ZNF804B: variants seen among roughly 807,000 people sequenced by gnomAD.
ZNF804B encodes zinc finger protein 804B.
A neutral mutation model predicts 101.4 loss-of-function variants in ZNF804B; 80 were observed. The observed-to-expected ratio is 0.79, with a 90% CI of 0.66 to 0.95. The LOEUF (loss-of-function observed/expected upper bound fraction) is 0.95. ZNF804B is among the 40% of genes least tolerant of loss of function. ZNF804B has a pLI of 0.00. For missense variants in ZNF804B, 1,673 were observed against 1,561.9 expected, an observed-to-expected ratio of 1.07 and a Z score of -1.20; for synonymous variants, 622 against 558.8, an observed-to-expected ratio of 1.11 and a Z score of -1.59.
intron 1 of ZNF804B, among the ~76,000 whole-genome samples, chr7:88,808,741 A>C (rs181488252): frequency 1.3e-5 from 2 of 152,234 alleles, no homozygotes; most frequent in Non-Finnish European, 2.9e-5. Flanking sequence ...GACTCAACAT[A>C]TCAGATTTAG....
chr7:89,271,094 C>T, intron 2 of ZNF804B, among the ~76,000 whole-genome samples: 1 of 152,144 alleles, frequency 6.6e-6, no homozygotes, highest in East Asian at 1.9e-4. Flanking sequence ...CTAGAACTTC[C>T]AACACTATGT....
chr7:89,215,838 C>G lies in ZNF804B; in HGVS notation c.109-2317C>G, dbSNP rs182993640. On this transcript the variant is annotated intron_variant, in intron 1 of 3. Transcript: ENST00000333190. ...GGTGGAGCTTACAGTCAGCCGAGAT[C>G]ACGCCACTGCACTCCAGCCTGGGCA... Among the ~76,000 whole-genome samples the G allele has an allele frequency of 7.9e-3, 1,193 of 151,454 alleles. 18 individuals are homozygous for G. Among genetic ancestry groups the G allele is most frequent in the African/African-American group, 0.027 (1,135 of 41,302 alleles).
chr7:88,893,265 A>G (rs976641148), intron 1 of ZNF804B, among the ~76,000 whole-genome samples: 1 of 152,112 alleles, frequency 6.6e-6, no homozygotes, highest in Non-Finnish European at 1.5e-5. Context: ...CCACCTAAGC[A>G]AGTATTTAAA....
chr7:89,061,120 G>T (rs1453453772), intron 1 of ZNF804B, among the ~76,000 whole-genome samples: 1 of 152,052 alleles, frequency 6.6e-6, no homozygotes, highest in East Asian at 1.9e-4. Context: ...CCTTATGACT[G>T]TTGTTAGTAT....
intron 1 of ZNF804B, among the ~76,000 whole-genome samples, chr7:89,174,353 T>C (rs917641259): frequency 6.6e-6 from 1 of 152,056 alleles, no homozygotes; most frequent in Non-Finnish European, 1.5e-5. Context: ...GCAAAATTTG[T>C]TTTTGTGTGC....
At chr7:88,857,822 CTTTTTTT>C (rs55841922) in intron 1 of ZNF804B, among the ~76,000 whole-genome samples, 105 of 81,478 alleles carry the variant, frequency 1.3e-3, no homozygotes, top group East Asian at 0.012. Flanking sequence ...CCTTTCTTTT[CTTTTTTT>C]TTTTTTTTTT....
intron 1 of ZNF804B, among the ~76,000 whole-genome samples, chr7:88,859,827 A>G (rs913404883): frequency 6.6e-6 from 1 of 151,986 alleles, no homozygotes; most frequent in Non-Finnish European, 1.5e-5. Context: ...CTGAGTATTC[A>G]GAAACAACTT....
intron 1 of ZNF804B, among the ~76,000 whole-genome samples, chr7:88,865,228 CA>C (rs10706264): frequency 0.25 from 28,417 of 115,620 alleles, 3,072 homozygotes; most frequent in East Asian, 0.42. Context: ...GACTTCGTAT[CA>C]AAAAAAAAAA....
chr7:89,054,750 A>G (rs1213727212), intron 1 of ZNF804B, among the ~76,000 whole-genome samples: 1 of 152,072 alleles, frequency 6.6e-6, no homozygotes, highest in Non-Finnish European at 1.5e-5. Flanking sequence ...AAGAGGAGGT[A>G]GTCAGGTGGT....
intron 1 of ZNF804B, among the ~76,000 whole-genome samples, chr7:88,787,493 T>C (rs771657660): frequency 6.6e-6 from 1 of 152,120 alleles, no homozygotes; most frequent in Non-Finnish European, 1.5e-5. Context: ...CAGATGAATC[T>C]GAGAATATTA....
intron 1 of ZNF804B, among the ~76,000 whole-genome samples, chr7:89,040,016 T>G (rs1788991970): frequency 6.6e-6 from 1 of 152,026 alleles, no homozygotes; most frequent in Non-Finnish European, 1.5e-5. Flanking sequence ...GGATATTCAT[T>G]TTCCTCTCCA....
intron 1 of ZNF804B, among the ~76,000 whole-genome samples, chr7:89,021,702 G>A (rs535725681): frequency 5.3e-5 from 8 of 152,226 alleles, no homozygotes; most frequent in Admixed American, 1.3e-4. Context: ...CTAAACCTAG[G>A]TTTTGAGTAG....
chr7:88,774,488 G>A (rs748041366), intron 1 of ZNF804B, among the ~76,000 whole-genome samples: 4 of 152,100 alleles, frequency 2.6e-5, no homozygotes, highest in Non-Finnish European at 5.9e-5. Flanking sequence ...GTTGGCCCCT[G>A]TCCATAGTGA....
chr7:88,835,113 A>G (rs566378400), intron 1 of ZNF804B, among the ~76,000 whole-genome samples: 1 of 151,976 alleles, frequency 6.6e-6, no homozygotes, highest in Admixed American at 6.6e-5. Context: ...GAGTTTACAC[A>G]TTGGTAATAT....
intron 1 of ZNF804B, among the ~76,000 whole-genome samples, chr7:89,075,263 G>C (rs1020003356): frequency 2.0e-5 from 3 of 152,082 alleles, no homozygotes; most frequent in Non-Finnish European, 4.4e-5. Flanking sequence ...ACGTCTCTAC[G>C]GCAGCCCCTC....
intron 1 of ZNF804B, among the ~76,000 whole-genome samples, chr7:88,847,813 G>A (rs1280589867): frequency 2.0e-5 from 3 of 152,128 alleles, no homozygotes; most frequent in African/African-American, 7.2e-5. Flanking sequence ...TATTGCAGTT[G>A]TTCTTGTTGT....
At chr7:88,967,904 T>C (rs1793480766) in intron 1 of ZNF804B, among the ~76,000 whole-genome samples, 1 of 151,510 alleles carries the variant, frequency 6.6e-6, no homozygotes, top group Non-Finnish European at 1.5e-5. Flanking sequence ...ATATTTAGTC[T>C]ACAGCCATAC....
At chr7:89,330,202 A>C (rs1248972656) in intron 3 of ZNF804B, among the ~76,000 whole-genome samples, 1 of 151,726 alleles carries the variant, frequency 6.6e-6, no homozygotes, top group African/African-American at 2.4e-5. Flanking sequence ...TGAGAATGCA[A>C]CTGTGGTTTC....
intron 1 of ZNF804B, among the ~76,000 whole-genome samples, chr7:88,862,041 A>G (rs988528656): frequency 6.6e-6 from 1 of 152,188 alleles, no homozygotes; most frequent in East Asian, 1.9e-4. Context: ...CATCACTTCT[A>G]TAGTAAACTA....
Sources: allele counts gnomAD v4.1 joint callset (sites outside exome capture counted in the v4.1 genomes callset), GRCh38; gene constraint gnomAD v4.1.1; transcripts MANE v1.5; gene names NCBI Gene and HGNC (gene_info 2026-07-23, HGNC 2026-07-21).